The following TPRG1 variants were observed in gnomAD, a reference collection of about 807,000 sequenced individuals.
The protein encoded by TPRG1 is tumor protein p63-regulated gene 1 protein.
Under a neutral mutation model 29.3 loss-of-function variants are expected in TPRG1, and 29 were observed. The ratio of observed to expected loss-of-function variants is 0.99; its 90% CI spans 0.74 to 1.35. The LOEUF (loss-of-function observed/expected upper bound fraction) is 1.35. TPRG1 is among the 40% of genes most tolerant of loss of function. The pLI, the probability that TPRG1 is intolerant of heterozygous loss-of-function variation, is 0.00. For missense variants in TPRG1, 327 were observed against 335.0 expected (o/e 0.98, Z 0.19); for synonymous variants, 130 against 116.8 (o/e 1.11, Z -0.73).
chr3:189,228,667 T>C (rs574817390), intron 3 of TPRG1, among the ~76,000 whole-genome samples: 2 of 152,268 alleles, frequency 1.3e-5, no homozygotes, highest in South Asian at 4.1e-4. Context: ...TGTTGGGTAA[T>C]GTCTAATTGT....
chr3:189,179,291 A>G (rs1358277829), intron 1 of TPRG1, among the ~76,000 whole-genome samples: 1 of 152,184 alleles, frequency 6.6e-6, no homozygotes. Context: ...GCATGGACAT[A>G]TTATTTTGAT....
At chr3:189,023,515 G>T (rs977398151) in intron 3 of TPRG1, among the ~76,000 whole-genome samples, 1 of 152,126 alleles carries the variant, frequency 6.6e-6, no homozygotes, top group Non-Finnish European at 1.5e-5. Context: ...AGCCATCTCA[G>T]CCTCAGCCCA....
At chr3:188,998,572 A>G (rs848990) in intron 1 of TPRG1, among the ~76,000 whole-genome samples, 141,837 of 152,290 alleles carry the variant, frequency 0.93, 66,878 homozygotes, top group East Asian at 1. Flanking sequence ...AAAAATGTTA[A>G]TCTTTTTGTT....
intron 4 of TPRG1, among the ~76,000 whole-genome samples, chr3:189,074,370 TA>T (rs1717000957): frequency 6.6e-6 from 1 of 151,842 alleles, no homozygotes; most frequent in Non-Finnish European, 1.5e-5. Flanking sequence ...TACGCCCGGC[TA>T]ATTTTTTGTA....
intron 1 of TPRG1, among the ~76,000 whole-genome samples, chr3:189,102,138 T>C (rs1033399121): frequency 6.6e-6 from 1 of 152,252 alleles, no homozygotes; most frequent in Non-Finnish European, 1.5e-5. Context: ...CCTGCTCATG[T>C]GCTCCTATAT....
chr3:189,109,380 A>T (rs1369317213), intron 1 of TPRG1, among the ~76,000 whole-genome samples: 1 of 152,204 alleles, frequency 6.6e-6, no homozygotes, highest in African/African-American at 2.4e-5. Context: ...GAGTTACCAG[A>T]TGTAATCGCT....
chr3:189,282,553 TTC>T (rs763291286), intron 4 of TPRG1, among the ~76,000 whole-genome samples: 1 of 152,180 alleles, frequency 6.6e-6, no homozygotes, highest in Admixed American at 6.5e-5. Context: ...TCGTTCTCTC[TTC>T]TCTCTCTGTC....
chr3:189,323,544 A>C lies in TPRG1; in HGVS notation c.*2724A>C, dbSNP rs576028935. 3 of 152,258 alleles carry C rather than the reference A, an allele frequency of 2.0e-5. No individual in the cohort carries two copies. The highest frequency in any genetic ancestry group is 7.2e-5 in the African/African-American group (3 of 41,568). 9.4% of individuals were successfully genotyped at this position (152,258 alleles called of 1,614,324 possible). A position where few individuals can be genotyped will look rare whatever the true frequency, so the allele number is the denominator to read the frequency against. On this transcript the variant is annotated 3_prime_UTR_variant, in exon 6 of 6. Transcript: ENST00000345063. ...GTGGGAAAACATCCAAGGGAACTAC[A>C]TTTCCTCCAGAAATTGTTTCTTCAT...
At chr3:189,226,999 T>C (rs1223052334) in intron 3 of TPRG1, among the ~76,000 whole-genome samples, 1 of 151,760 alleles carries the variant, frequency 6.6e-6, no homozygotes, top group East Asian at 1.9e-4. Context: ...AAACTATTGC[T>C]ACTCACTCAA....
rs545251694 is a variant in TPRG1, at chr3:189,322,825, G to A, written c.*2005G>A. On this transcript the variant is annotated 3_prime_UTR_variant, in exon 6 of 6. Transcript: ENST00000345063. Reference sequence around the variant, plus strand: ...AAACAGTTCAGAAAGGATGACAGGAGGGAGATGTTTCTTAGTTCTGAGAGC... The same window carrying A: ...AAACAGTTCAGAAAGGATGACAGGAAGGAGATGTTTCTTAGTTCTGAGAGC... 2.6e-5 allele frequency: 4 copies of A among 152,220 alleles called. 1 individual carries two copies. In the East Asian group the frequency reaches 7.7e-4, roughly 29 times the overall value. 9.4% of individuals were successfully genotyped at this position (152,220 alleles called of 1,614,324 possible).
At chr3:189,162,255 A>G (rs564561215) in intron 5 of TPRG1, among the ~76,000 whole-genome samples, 37 of 152,276 alleles carry the variant, frequency 2.4e-4, no homozygotes, top group African/African-American at 8.9e-4. Context: ...AGCCTCCCAA[A>G]GTGCTGGGAT....
chr3:189,190,951 A>T, intron 1 of TPRG1: 1 of 985,382 alleles, frequency 1.0e-6, no homozygotes, highest in Non-Finnish European at 1.2e-6. Context: ...CTTTGAGATA[A>T]ATATTCACAG....
chr3:189,043,505 G>A (rs890317198), intron 4 of TPRG1, among the ~76,000 whole-genome samples: 1 of 152,158 alleles, frequency 6.6e-6, no homozygotes, highest in African/African-American at 2.4e-5. Flanking sequence ...GACATTAAGT[G>A]TTCTCTTTAT....
At chr3:189,196,850 A>G (rs1479136010) in intron 1 of TPRG1, among the ~76,000 whole-genome samples, 1 of 152,196 alleles carries the variant, frequency 6.6e-6, no homozygotes, top group Non-Finnish European at 1.5e-5. Flanking sequence ...TGGAGTTTTT[A>G]TTTTGAGGGG....
At chr3:189,312,861 A>T (rs1341396690) in intron 5 of TPRG1, among the ~76,000 whole-genome samples, 2 of 152,208 alleles carry the variant, frequency 1.3e-5, no homozygotes, top group African/African-American at 4.8e-5. Flanking sequence ...CTGAACAGGA[A>T]ATTGATGTTC....
chr3:189,202,631 T>C (rs1733683045), intron 1 of TPRG1, among the ~76,000 whole-genome samples: 2 of 152,220 alleles, frequency 1.3e-5, no homozygotes, highest in Non-Finnish European at 2.9e-5. Context: ...GCTGTTTTTT[T>C]CCTTCTTGTT....
At chr3:189,261,451 T>C (rs1203418471) in intron 4 of TPRG1, among the ~76,000 whole-genome samples, 1 of 152,010 alleles carries the variant, frequency 6.6e-6, no homozygotes, top group East Asian at 1.9e-4. Flanking sequence ...GACTTAATAA[T>C]CTGCCCTCCC....
chr3:189,125,663 C>T (rs1022044297), intron 1 of TPRG1, among the ~76,000 whole-genome samples: 1 of 152,072 alleles, frequency 6.6e-6, no homozygotes, highest in Admixed American at 6.6e-5. Flanking sequence ...GAAGTATCAC[C>T]TTCAAGCCCC....
Position 189,244,378 on chromosome 3 carries a change from C to A in TPRG1, c.479+5469C>A, listed in dbSNP as rs576736861. Among the ~76,000 whole-genome samples, 6 of 152,072 alleles carry A rather than the reference C, an allele frequency of 3.9e-5. No individual in the cohort carries two copies. The South Asian group carries it at 1.2e-3, about 32-fold the overall frequency. The stretch of plus-strand genomic sequence containing the variant: ...AGATTTCAGTGAGCCAAGATCGAGC[C>A]ACTGCACTCCAGCCTGGGTGACAGA... On this transcript the variant is annotated intron_variant, in intron 4 of 5. Coordinates refer to ENST00000345063, the MANE Select transcript of TPRG1 (RefSeq NM_198485.4).
Sources: allele counts gnomAD v4.1 joint callset (sites outside exome capture counted in the v4.1 genomes callset), GRCh38; gene constraint gnomAD v4.1.1; transcripts MANE v1.5; gene names NCBI Gene and HGNC (gene_info 2026-07-23, HGNC 2026-07-21).